PVT1: variants seen among roughly 807,000 people sequenced by gnomAD.
PVT1 encodes Pvt1 oncogene, also known as CXCR4/PVT1 fusion.
intron 3 of PVT1, among the ~76,000 whole-genome samples, chr8:127,904,400 A>G (rs903191619): frequency 1.1e-5 from 1 of 88,098 alleles, no homozygotes; most frequent in Non-Finnish European, 2.4e-5. Context: ...CCTGCTGTGC[A>G]GCACTTTCAG....
intron 4 of PVT1, among the ~76,000 whole-genome samples, chr8:128,011,081 A>C (rs1817308542): frequency 6.6e-6 from 1 of 152,138 alleles, no homozygotes; most frequent in South Asian, 2.1e-4. Context: ...CCTCTGGCTC[A>C]TTCTGTCTTA....
intron 3 of PVT1, among the ~76,000 whole-genome samples, chr8:127,921,813 G>GCAA (rs1563640063): frequency 4.2e-5 from 6 of 143,176 alleles, no homozygotes; most frequent in African/African-American, 1.0e-4. Flanking sequence ...ACTCTGTCTG[G>GCAA]AAAATAAATA....
At chr8:128,034,389 C>T (rs1280777941) in intron 4 of PVT1, among the ~76,000 whole-genome samples, 1 of 152,232 alleles carries the variant, frequency 6.6e-6, no homozygotes, top group African/African-American at 2.4e-5. Context: ...CAAGACTGTT[C>T]TCACCACCTG....
chr8:127,935,160 T>C (rs572515306), intron 3 of PVT1, among the ~76,000 whole-genome samples: 1 of 152,204 alleles, frequency 6.6e-6, no homozygotes, highest in Non-Finnish European at 1.5e-5. Flanking sequence ...GAGACGGGGT[T>C]TCTCCATGTT....
At chr8:128,000,650 C>T (rs1394224481) in intron 4 of PVT1, among the ~76,000 whole-genome samples, 1 of 152,214 alleles carries the variant, frequency 6.6e-6, no homozygotes, top group Non-Finnish European at 1.5e-5. Context: ...TCCCATTTGC[C>T]TCCTGTGCCT....
intron 5 of PVT1, among the ~76,000 whole-genome samples, chr8:128,079,564 A>G (rs1218046973): frequency 1.3e-5 from 2 of 152,156 alleles, no homozygotes; most frequent in Non-Finnish European, 2.9e-5. Context: ...CCATTATAAT[A>G]TCATACAAAA....
chr8:127,794,533 C>T (rs1236477764), upstream of PVT1: 1 of 151,384 alleles, frequency 6.6e-6, no homozygotes, highest in African/African-American at 2.4e-5. Flanking sequence ...CCCCGCGCTC[C>T]TCCGGGCAGA....
chr8:128,055,783 C>G (rs1044359913), intron 4 of PVT1, among the ~76,000 whole-genome samples: 7 of 152,154 alleles, frequency 4.6e-5, no homozygotes, highest in African/African-American at 1.7e-4. Flanking sequence ...TCTCTCATCA[C>G]GAGCAGTCTA....
At chr8:127,809,395 AC>A (rs898633444) in intron 2 of PVT1, among the ~76,000 whole-genome samples, 3 of 152,126 alleles carry the variant, frequency 2.0e-5, no homozygotes, top group African/African-American at 7.2e-5. Flanking sequence ...ATAGGGTCTC[AC>A]TTTGTTGTCC....
At chr8:127,849,356 GA>G (rs1436306400) in intron 2 of PVT1, among the ~76,000 whole-genome samples, 5 of 152,126 alleles carry the variant, frequency 3.3e-5, no homozygotes, top group Admixed American at 6.5e-5. Context: ...CAGCTCTGGG[GA>G]CCCTCATAGG....
chr8:127,895,286 C>G (rs1815661366), intron 3 of PVT1, among the ~76,000 whole-genome samples: 1 of 152,158 alleles, frequency 6.6e-6, no homozygotes, highest in Non-Finnish European at 1.5e-5. Flanking sequence ...GCCTAACCAA[C>G]ATAGCGAAAC....
intron 2 of PVT1, among the ~76,000 whole-genome samples, chr8:127,848,679 G>A (rs1013726072): frequency 2.6e-5 from 4 of 152,052 alleles, no homozygotes; most frequent in Non-Finnish European, 5.9e-5. Context: ...CCGAAACTCC[G>A]TCTCAGATAA....
chr8:127,863,202 C>G (rs1815248470), intron 2 of PVT1, among the ~76,000 whole-genome samples: 1 of 152,014 alleles, frequency 6.6e-6, no homozygotes, highest in African/African-American at 2.4e-5. Flanking sequence ...ACCTCCGCCT[C>G]TTGGGTTCAA....
chr8:127,904,147 T>C (rs1255583598), intron 3 of PVT1, among the ~76,000 whole-genome samples: 2 of 152,210 alleles, frequency 1.3e-5, no homozygotes, highest in Admixed American at 1.3e-4. Flanking sequence ...CCTCCTTGGT[T>C]AGAAAGTATT....
intron 3 of PVT1, among the ~76,000 whole-genome samples, chr8:127,922,924 C>A (rs1408393803): frequency 6.6e-6 from 1 of 152,216 alleles, no homozygotes; most frequent in Non-Finnish European, 1.5e-5. Flanking sequence ...TCACGGGAGT[C>A]CCAGACATGA....
intron 4 of PVT1, among the ~76,000 whole-genome samples, chr8:128,000,279 C>T (rs1817160467): frequency 1.3e-5 from 2 of 152,216 alleles, no homozygotes; most frequent in South Asian, 2.1e-4. Flanking sequence ...TGGCTTCCTT[C>T]TCAGCCAGGC....
intron 2 of PVT1, among the ~76,000 whole-genome samples, chr8:127,840,247 T>C (rs187347990): frequency 2.6e-5 from 4 of 152,352 alleles, no homozygotes; most frequent in Non-Finnish European, 5.9e-5. Flanking sequence ...TTCTCTATGC[T>C]AGGTGTGAAC....
intron 3 of PVT1, among the ~76,000 whole-genome samples, chr8:127,937,519 T>A (rs956763091): frequency 1.4e-5 from 2 of 144,750 alleles, no homozygotes; most frequent in Non-Finnish European, 3.0e-5. Flanking sequence ...GCCACCTGCC[T>A]GAAAGAAAAT....
chr8:128,033,047 G>A (rs1442638959), intron 4 of PVT1, among the ~76,000 whole-genome samples: 2 of 152,182 alleles, frequency 1.3e-5, no homozygotes, highest in Non-Finnish European at 1.5e-5. Flanking sequence ...GTGAAGACCT[G>A]TTTGCACTTG....
Sources: gnomAD v4.1 joint callset for allele counts (sites outside exome capture counted in the v4.1 genomes callset) on GRCh38, gnomAD v4.1.1 for gene constraint, MANE v1.5 for transcripts, NCBI Gene and HGNC (gene_info 2026-07-23, HGNC 2026-07-21) for gene names.